The following NKAIN3 variants were observed in gnomAD, a reference collection of about 807,000 sequenced individuals.
NKAIN3 encodes sodium/potassium-transporting ATPase subunit beta-1-interacting protein 3.
NKAIN3 carries 25 observed loss-of-function variants against 30.2 expected under a neutral mutation model. The ratio of observed to expected loss-of-function variants is 0.83; its 90% CI spans 0.60 to 1.16. The LOEUF is 1.16. Ranked by LOEUF, NKAIN3 falls within the 50% of genes most tolerant of loss-of-function variation. The pLI is 0.00. For missense variants in NKAIN3, 225 were observed against 254.1 expected (o/e 0.89, Z 0.78); for synonymous variants, 91 against 89.6 (o/e 1.02, Z -0.09).
At chr8:62,569,527 G>C (rs1282427593) in intron 1 of NKAIN3, among the ~76,000 whole-genome samples, 1 of 152,084 alleles carries the variant, frequency 6.6e-6, no homozygotes, top group Admixed American at 6.6e-5. Flanking sequence ...TGTAATCCCA[G>C]CACTTTGGGA....
chr8:62,837,314 A>T (rs1021557655), intron 4 of NKAIN3, among the ~76,000 whole-genome samples: 6 of 152,140 alleles, frequency 3.9e-5, no homozygotes, highest in African/African-American at 1.4e-4. Flanking sequence ...TAAATCAGTG[A>T]TGAATGATTT....
chr8:62,750,322 TCTC>T lies in NKAIN3; in HGVS notation c.471+3198_471+3200del, dbSNP rs1816236056. Among the ~76,000 whole-genome samples, 4 of 152,062 alleles carry T rather than the reference TCTC, an allele frequency of 2.6e-5. No individual in the cohort carries two copies. In the South Asian group the frequency reaches 8.3e-4, roughly 32 times the overall value. On this transcript the variant is annotated intron_variant, in intron 4 of 6. Coordinates refer to ENST00000623646, the MANE Select transcript of NKAIN3 (RefSeq NM_001304533.3). ...TTTGAGTGCTTTGACCACCGACACATCTCCTCCATGAATACAGCCTGAGCAAGT... is the reference window on the plus strand; with the variant it reads ...TTTGAGTGCTTTGACCACCGACACATCTCCATGAATACAGCCTGAGCAAGT...
intron 4 of NKAIN3, among the ~76,000 whole-genome samples, chr8:62,879,959 C>T (rs1406962462): frequency 2.0e-5 from 3 of 152,144 alleles, no homozygotes; most frequent in Non-Finnish European, 1.5e-5. Context: ...GCCTTGGGTC[C>T]ATCTTCTGAG....
rs192559168 is a variant in NKAIN3 at position 62,600,724 on chromosome 8, G to A, written c.273+10930G>A. ...GAAATTTAAGCCATTTCCTCAGAAG[G>A]CAATAATAGCACCTTATTGTCCTCT... On this transcript the variant is annotated intron_variant, in intron 3 of 6. Coordinates refer to ENST00000623646, the MANE Select transcript of NKAIN3 (RefSeq NM_001304533.3). 2.7e-4 allele frequency among the ~76,000 whole-genome samples: 41 copies of A among 152,118 alleles called. No individual in the cohort carries two copies. The South Asian group carries it at 3.1e-3, about 12-fold the overall frequency.
At chr8:62,305,734 G>A (rs1418531230) in intron 1 of NKAIN3, among the ~76,000 whole-genome samples, 1 of 150,514 alleles carries the variant, frequency 6.6e-6, no homozygotes, top group African/African-American at 2.5e-5. Flanking sequence ...GGAAAAGAAT[G>A]GAAGGTTGGT....
At chr8:62,730,926 G>A (rs78454215) in intron 3 of NKAIN3, among the ~76,000 whole-genome samples, 4,091 of 152,150 alleles carry the variant, frequency 0.027, 194 homozygotes, top group African/African-American at 0.093. Context: ...GTGTGTTTTA[G>A]TAGGCTTCAA....
chr8:62,468,708 C>T (rs1806234190), intron 1 of NKAIN3, among the ~76,000 whole-genome samples: 1 of 152,058 alleles, frequency 6.6e-6, no homozygotes, highest in South Asian at 2.1e-4. Context: ...TTAATAAATG[C>T]ATTATGAGTG....
At chr8:62,541,247 G>A (rs138872135) in intron 1 of NKAIN3, among the ~76,000 whole-genome samples, 31 of 152,114 alleles carry the variant, frequency 2.0e-4, no homozygotes, top group African/African-American at 6.0e-4. Flanking sequence ...AACCTGGGAG[G>A]GGGGAGGATG....
At chr8:62,768,924 G>C (rs1304750426) in intron 4 of NKAIN3, among the ~76,000 whole-genome samples, 1 of 152,060 alleles carries the variant, frequency 6.6e-6, no homozygotes, top group Non-Finnish European at 1.5e-5. Context: ...AAAAGTTATG[G>C]TTCCAAAGAC....
Position 62,720,174 on chromosome 8 carries a change from T to G in NKAIN3, c.274-26758T>G, listed in dbSNP as rs188159530. On this transcript the variant is annotated intron_variant, in intron 3 of 6. Transcript: ENST00000623646. ...ATTTATAAAAATAAGAAGCTATAATTCATACATCCCAAGTTAGAACATTTT... is the reference window on the plus strand; with the variant it reads ...ATTTATAAAAATAAGAAGCTATAATGCATACATCCCAAGTTAGAACATTTT... Among the ~76,000 whole-genome samples the G allele has an allele frequency of 4.6e-5, 7 of 152,268 alleles. No homozygotes were observed. In the East Asian group the frequency reaches 1.4e-3, roughly 29 times the overall value.
chr8:62,345,523 GTATATATACACACATATATA>G (rs1563942851), intron 1 of NKAIN3, among the ~76,000 whole-genome samples: 33 of 72,672 alleles, frequency 4.5e-4, no homozygotes, highest in African/African-American at 1.9e-3. Context: ...ACACATATAT[GTATATATACACACATATATA>G]CACATATATG....
chr8:62,784,548 T>C (rs1268009146), intron 4 of NKAIN3, among the ~76,000 whole-genome samples: 1 of 151,784 alleles, frequency 6.6e-6, no homozygotes, highest in African/African-American at 2.4e-5. Context: ...ATGGACAAAT[T>C]ACCAAAACTG....
chr8:62,703,740 T>G (rs1814423564), intron 3 of NKAIN3, among the ~76,000 whole-genome samples: 3 of 152,200 alleles, frequency 2.0e-5, no homozygotes, highest in African/African-American at 7.2e-5. Flanking sequence ...GACTTTTATG[T>G]TTAATGTATT....
chr8:62,392,923 G>C (rs922952333), intron 1 of NKAIN3, among the ~76,000 whole-genome samples: 5 of 152,048 alleles, frequency 3.3e-5, no homozygotes, highest in Non-Finnish European at 7.4e-5. Flanking sequence ...CTCCTGGACT[G>C]TAACAGCAGT....
At chr8:62,831,928 G>A (rs1330245476) in intron 4 of NKAIN3, among the ~76,000 whole-genome samples, 1 of 151,954 alleles carries the variant, frequency 6.6e-6, no homozygotes, top group Non-Finnish European at 1.5e-5. Flanking sequence ...GACTGTCCAA[G>A]GCCAACGATA....
intron 5 of NKAIN3, among the ~76,000 whole-genome samples, chr8:62,941,114 A>G (rs1350164296): frequency 1.3e-5 from 2 of 152,132 alleles, no homozygotes; most frequent in African/African-American, 4.8e-5. Flanking sequence ...CAAGGTTACT[A>G]TGAACACATT....
intron 5 of NKAIN3, among the ~76,000 whole-genome samples, chr8:62,953,100 A>T (rs1823330073): frequency 6.6e-6 from 1 of 152,096 alleles, no homozygotes; most frequent in Non-Finnish European, 1.5e-5. Flanking sequence ...TACTACACAT[A>T]TCCTCCATTT....
At chr8:62,773,089 T>A (rs1817075943) in intron 4 of NKAIN3, among the ~76,000 whole-genome samples, 1 of 152,204 alleles carries the variant, frequency 6.6e-6, no homozygotes, top group Non-Finnish European at 1.5e-5. Context: ...CTGAGGATTG[T>A]CTCTTTGTTT....
At chr8:62,502,526 T>C (rs1807489660) in intron 1 of NKAIN3, among the ~76,000 whole-genome samples, 1 of 134,520 alleles carries the variant, frequency 7.4e-6, no homozygotes, top group African/African-American at 2.7e-5. Flanking sequence ...CTCTTCTTCT[T>C]CTCCTTCCTC....
Sources: allele counts gnomAD v4.1 joint callset (sites outside exome capture counted in the v4.1 genomes callset), GRCh38; gene constraint gnomAD v4.1.1; transcripts MANE v1.5; gene names NCBI Gene and HGNC (gene_info 2026-07-23, HGNC 2026-07-21).